The following RIOX2 variants were observed in gnomAD, a reference collection of about 807,000 sequenced individuals.
RIOX2 encodes 60S ribosomal protein L27a histidine hydroxylase.
In RIOX2, 43 loss-of-function variants were observed where a neutral mutation model predicts 51.2. The observed-to-expected ratio is 0.84, with a 90% confidence interval of 0.66 to 1.08. The LOEUF is 1.08. RIOX2 is among the 50% of genes least tolerant of loss of function. The pLI is 0.00. For missense variants in RIOX2, 566 were observed against 561.7 expected, an observed-to-expected ratio of 1.01 and a Z score of -0.08; for synonymous variants, 226 against 218.5, an observed-to-expected ratio of 1.03 and a Z score of -0.30.
chr3:97,969,622 G>A (rs1406942703), intron 1 of RIOX2, among the ~76,000 whole-genome samples: 2 of 152,204 alleles, frequency 1.3e-5, no homozygotes, highest in African/African-American at 2.4e-5. Flanking sequence ...GTCTGGAAAC[G>A]TTGGTATGTG....
rs73851095 is a variant in RIOX2, at chr3:97,950,336, G to A, written c.889-321C>T. Among the ~76,000 whole-genome samples the A allele has an allele frequency of 4.6e-3, 708 of 152,296 alleles. 4 individuals are homozygous for A. The highest frequency in any genetic ancestry group is 0.016 in the African/African-American group (647 of 41,566). On this transcript the variant is annotated intron_variant, in intron 6 of 9. Transcript: ENST00000394198. ...TCCTAAGATGAATGCTTCAGAGAAAGCAACCTTTGCTCAACTCAGCTCTAA... is the reference window on the plus strand; with the variant it reads ...TCCTAAGATGAATGCTTCAGAGAAAACAACCTTTGCTCAACTCAGCTCTAA...
intron 4 of RIOX2, among the ~76,000 whole-genome samples, chr3:97,957,924 C>T (rs1241969361): frequency 1.3e-5 from 2 of 152,162 alleles, no homozygotes; most frequent in South Asian, 4.1e-4. Flanking sequence ...AGTATGAACA[C>T]AGGACATTAA....
chr3:97,963,174 G>A (rs1705749660), intron 2 of RIOX2, among the ~76,000 whole-genome samples: 1 of 152,234 alleles, frequency 6.6e-6, no homozygotes, highest in African/African-American at 2.4e-5. Context: ...CTGAAGTGCA[G>A]TGGTGTGATC....
chr3:97,943,536 T>A lies in RIOX2; in HGVS notation c.*1648A>T, dbSNP rs1166085566. The A allele has an allele frequency of 6.1e-6, 3 of 488,966 alleles. No individual in the cohort carries two copies. The highest frequency in any genetic ancestry group is 2.7e-5 in the South Asian group (1 of 36,616). The allele number at this position is 488,966 out of a possible 1,614,324, so 30.3% of individuals were successfully genotyped here. A position where few individuals can be genotyped will look rare whatever the true frequency, so the allele number is the denominator to read the frequency against. On this transcript the variant is annotated 3_prime_UTR_variant, in exon 10 of 10. Transcript: ENST00000394198. ...TTCCTATAAAGAAAATATTATGATA[T>A]CTTGGAAAGGTTCTATTCCTGATCT... is the stretch of plus-strand genomic sequence containing the variant.
chr3:97,942,084 AT>A lies in RIOX2; in HGVS notation c.*3099del. ...CAAGTACCTCTATTTCAGTTGGTTT[AT>A]TTCTGTACCATCTCCTACCCACAGC... On this transcript the variant is annotated 3_prime_UTR_variant, in exon 10 of 10. Transcript: ENST00000394198. 2.6e-6 allele frequency: 1 copy of A among 383,606 alleles called. No homozygotes were observed. Among genetic ancestry groups the A allele is most frequent in the Non-Finnish European group, 4.6e-6 (1 of 217,412 alleles). 23.8% of individuals were successfully genotyped at this position (383,606 alleles called of 1,614,324 possible). A position where few individuals can be genotyped will look rare whatever the true frequency, so the allele number is the denominator to read the frequency against.
chr3:97,951,105 C>A, intron 5 of RIOX2: 1 of 476,198 alleles, frequency 2.1e-6, no homozygotes, highest in Non-Finnish European at 3.8e-6. Context: ...CAGACACTCA[C>A]TTGCAAAGTT....
At chr3:97,956,122 C>T (rs542942140) in intron 4 of RIOX2, among the ~76,000 whole-genome samples, 1 of 152,222 alleles carries the variant, frequency 6.6e-6, no homozygotes, top group South Asian at 2.1e-4. Flanking sequence ...GTGAGTAATG[C>T]GTAGCACTAC....
Position 97,941,955 on chromosome 3 carries a change from G to C in RIOX2, c.*3229C>G, listed in dbSNP as rs187125586. ...TGCAATGTTTTCATAAGAAAACCAA[G>C]CTCAACATAATACGTTTTAAGCAAA... is the stretch of plus-strand genomic sequence containing the variant. On this transcript the variant is annotated 3_prime_UTR_variant, in exon 10 of 10. Coordinates refer to ENST00000394198, the MANE Select transcript of RIOX2 (RefSeq NM_153182.4). The C allele has an allele frequency of 9.5e-4, 166 of 175,022 alleles. No homozygotes were observed. The highest frequency in any genetic ancestry group is 3.8e-3 in the African/African-American group (160 of 42,496). The allele number at this position is 175,022 out of a possible 1,614,324, so 10.8% of individuals were successfully genotyped here. A position where few individuals can be genotyped will look rare whatever the true frequency, so the allele number is the denominator to read the frequency against.
chr3:97,945,083 G>A lies in RIOX2; in HGVS notation c.*101C>T, dbSNP rs997870957. 6 of 1,059,618 alleles carry A rather than the reference G, an allele frequency of 5.7e-6. No homozygotes were observed. Among genetic ancestry groups the A allele is most frequent in the Non-Finnish European group, 7.9e-6 (6 of 757,906 alleles). 65.6% of individuals were successfully genotyped at this position (1,059,618 alleles called of 1,614,324 possible). On this transcript the variant is annotated 3_prime_UTR_variant, in exon 10 of 10. Transcript: ENST00000394198. Reference sequence around the variant, plus strand: ...AGGTCTCATGTTTGTTAGTAGATACGCAGGTAAGGAAACTTGAATTCATCC... The same window carrying A: ...AGGTCTCATGTTTGTTAGTAGATACACAGGTAAGGAAACTTGAATTCATCC...
intron 6 of RIOX2, among the ~76,000 whole-genome samples, 169 bp downstream of exon 6, chr3:97,950,617 A>G (rs1705205385): frequency 6.6e-6 from 1 of 152,212 alleles, no homozygotes; most frequent in African/African-American, 2.4e-5. Context: ...GGATCACCAC[A>G]TAACACATGG....
intron 1 of RIOX2, among the ~76,000 whole-genome samples, chr3:97,969,355 T>C (rs1385153726): frequency 6.6e-6 from 1 of 152,234 alleles, no homozygotes; most frequent in African/African-American, 2.4e-5. Context: ...AGGCACAGCA[T>C]TGCTAGTACA....
chr3:97,945,403 T>C, intron 9 of RIOX2, 61 bp from the exon 10 acceptor site: 1 of 1,434,168 alleles, frequency 7.0e-7, no homozygotes, highest in Non-Finnish European at 9.5e-7. Context: ...TGAAGTAGCA[T>C]TTTCCTGTAA....
intron 2 of RIOX2, among the ~76,000 whole-genome samples, chr3:97,962,158 C>T (rs1412384248): frequency 6.6e-6 from 1 of 151,984 alleles, no homozygotes; most frequent in Non-Finnish European, 1.5e-5. Context: ...GTGGGATGCA[C>T]TCTAGAAGCA....
Position 97,967,506 on chromosome 3 carries a change from G to A in RIOX2, c.88C>T (p.Pro30Ser), listed in dbSNP as rs776652969. ...GGACTGTCAAAGTTTAAAGCTGAAG[G>A]CCCCCCAGCTGCTTCTAACTTCATC... ...KQMKLEAAGG[P>S]SALNFDSPSS... is the part of the protein sequence containing the mutation. Residue 30 changes from proline (P) to serine (S), a missense_variant, in exon 2 of 10, where the codon CCT becomes TCT. By Grantham distance (74) the Pro-to-Ser change is moderately conservative (BLOSUM62 -1). Coordinates refer to ENST00000394198, the MANE Select transcript of RIOX2 (RefSeq NM_153182.4). 2 of 1,614,058 alleles carry A rather than the reference G, an allele frequency of 1.2e-6. No homozygotes were observed. Among genetic ancestry groups the A allele is most frequent in the Non-Finnish European group, 1.7e-6 (2 of 1,180,014 alleles).
chr3:97,956,200 G>T (rs1705443462), intron 4 of RIOX2, among the ~76,000 whole-genome samples: 1 of 152,134 alleles, frequency 6.6e-6, no homozygotes, highest in African/African-American at 2.4e-5. Flanking sequence ...AACCTTATGG[G>T]ACAACTGTCA....
chr3:97,955,789 A>G, intron 4 of RIOX2, among the ~76,000 whole-genome samples: 1 of 152,170 alleles, frequency 6.6e-6, no homozygotes, highest in Non-Finnish European at 1.5e-5. Context: ...TGTACTTACA[A>G]ATCTAGGTAG....
At chr3:97,950,073 A>T (rs904289688) in intron 6 of RIOX2, 58 bp from the exon 7 acceptor site, 1 of 1,582,452 alleles carries the variant, frequency 6.3e-7, no homozygotes, top group Non-Finnish European at 8.7e-7. Context: ...TGCCCAGCTC[A>T]GTCTCCACAG....
intron 2 of RIOX2, among the ~76,000 whole-genome samples, chr3:97,961,944 T>A (rs1212916893): frequency 6.6e-6 from 1 of 152,148 alleles, no homozygotes; most frequent in Non-Finnish European, 1.5e-5. Flanking sequence ...ACTGACAAGG[T>A]GGGCAATTGG....
Position 97,945,800 on chromosome 3 carries a change from C to G in RIOX2, c.1237G>C (p.Glu413Gln), listed in dbSNP as rs1321127961. The G allele has an allele frequency of 1.2e-6, 2 of 1,605,576 alleles. No homozygotes were observed. The highest frequency in any genetic ancestry group is 8.5e-7 in the Non-Finnish European group (1 of 1,173,108). Reference sequence around the variant, plus strand: ...ATTTGTTTTCAGTTGAAACAAACCTCTGTTTCCTCCTCATTTCCCATCATG... The same window carrying G: ...ATTTGTTTTCAGTTGAAACAAACCTGTGTTTCCTCCTCATTTCCCATCATG... ...THMMGNEEET[E>Q]FHGLRFPLSH... is the part of the protein sequence containing the mutation. Residue 413 changes from glutamate (E) to glutamine (Q), a missense_variant and splice_region_variant, in exon 9 of 10, where the codon GAG becomes CAG. Glu to Gln is a conservative substitution (Grantham distance 29). Transcript: ENST00000394198.
Sources: allele counts gnomAD v4.1 joint callset (sites outside exome capture counted in the v4.1 genomes callset), GRCh38; gene constraint gnomAD v4.1.1; transcripts MANE v1.5; gene names NCBI Gene and HGNC (gene_info 2026-07-23, HGNC 2026-07-21).